WWOX: variants seen among roughly 807,000 people sequenced by gnomAD.
WWOX encodes the protein WW domain-containing oxidoreductase.
Under a neutral mutation model 46.2 loss-of-function variants are expected in WWOX, and 69 were observed. The ratio of observed to expected loss-of-function variants is 1.49; its 90% confidence interval spans 1.23 to 1.82. The LOEUF (loss-of-function observed/expected upper bound fraction) is 1.82. Among genes scored for constraint, WWOX ranks in the 40% most tolerant of loss-of-function variants. The pLI is 0.00. For missense variants in WWOX, 919 were observed against 542.6 expected, an observed-to-expected ratio of 1.69 and a Z score of -6.89; for synonymous variants, 359 against 202.6, an observed-to-expected ratio of 1.77 and a Z score of -6.56.
chr16:78,623,178 C>G lies in WWOX; in HGVS notation c.1056+190426C>G, dbSNP rs558980892. Among the ~76,000 whole-genome samples, 12 of 151,830 alleles carry G rather than the reference C, an allele frequency of 7.9e-5. No individual in the cohort carries two copies. In the South Asian group the frequency reaches 2.3e-3, roughly 29 times the overall value. ...AACCCAGCTCAGCCATGCCCAGACT[C>G]CTATCCTATGGAAGCTTTAAGATAA... On this transcript the variant is annotated intron_variant, in intron 8 of 8. Transcript: ENST00000566780.
At chr16:78,898,368 C>T (rs1383691645) in intron 8 of WWOX, 1 of 152,064 alleles carries the variant, frequency 6.6e-6, no homozygotes, top group East Asian at 1.9e-4. Context: ...TAAGACTCTC[C>T]AATTGTTCTA....
At chr16:78,405,559 A>T (rs1294276530) in intron 6 of WWOX, among the ~76,000 whole-genome samples, 2 of 152,236 alleles carry the variant, frequency 1.3e-5, no homozygotes, top group Admixed American at 6.5e-5. Context: ...TCTACCAGAC[A>T]TATTGAGTAA....
intron 4 of WWOX, among the ~76,000 whole-genome samples, chr16:78,160,084 ATTTC>A (rs1567605393): frequency 2.0e-5 from 3 of 150,144 alleles, no homozygotes; most frequent in Non-Finnish European, 4.4e-5. Flanking sequence ...TTCTCCTTTT[ATTTC>A]CATCGTTCTG....
intron 8 of WWOX, among the ~76,000 whole-genome samples, chr16:79,086,031 C>T (rs1597361258): frequency 6.6e-6 from 1 of 151,616 alleles, no homozygotes; most frequent in East Asian, 2.0e-4. Flanking sequence ...ATGACTGTGG[C>T]ACTGCACTTC....
chr16:78,247,523 T>C (rs1260820691), intron 5 of WWOX, among the ~76,000 whole-genome samples: 1 of 152,096 alleles, frequency 6.6e-6, no homozygotes, highest in African/African-American at 2.4e-5. Context: ...ATGCAGCTGA[T>C]AGGGCCAGTT....
chr16:78,585,808 C>A (rs1401902724), intron 8 of WWOX, among the ~76,000 whole-genome samples: 7 of 151,722 alleles, frequency 4.6e-5, no homozygotes, highest in Admixed American at 3.3e-4. Flanking sequence ...TCATGGTGCT[C>A]CTTGGCCTGA....
At chr16:78,529,578 T>G (rs2151510860) in intron 8 of WWOX, among the ~76,000 whole-genome samples, 1 of 152,138 alleles carries the variant, frequency 6.6e-6, no homozygotes, top group Admixed American at 6.5e-5. Flanking sequence ...GCGATTCTTC[T>G]GCCTCAGCCT....
intron 5 of WWOX, among the ~76,000 whole-genome samples, chr16:78,195,643 G>A (rs1331952411): frequency 6.6e-6 from 1 of 151,852 alleles, no homozygotes; most frequent in Non-Finnish European, 1.5e-5. Flanking sequence ...GCAACATGAC[G>A]AAACCCTGTC....
chr16:79,085,848 C>T (rs868720396), intron 8 of WWOX, among the ~76,000 whole-genome samples: 1 of 152,044 alleles, frequency 6.6e-6, no homozygotes, highest in Non-Finnish European at 1.5e-5. Flanking sequence ...GAGTTCAAGT[C>T]CAGCCTGGGC....
chr16:78,157,378 A>G (rs2034642197), intron 4 of WWOX, among the ~76,000 whole-genome samples: 1 of 152,160 alleles, frequency 6.6e-6, no homozygotes, highest in Non-Finnish European at 1.5e-5. Context: ...CAAATGATCT[A>G]GGTGTCTTTT....
Position 78,284,544 on chromosome 16 carries a change from A to G in WWOX, c.517-102316A>G, listed in dbSNP as rs536570738. ...AAATGTCACTTACTTCTTGTTTTAT[A>G]AAGTATCATTACTCTTTTCTTGGAC... On this transcript the variant is annotated intron_variant, in intron 5 of 8. Transcript: ENST00000566780. Among the ~76,000 whole-genome samples the G allele has an allele frequency of 1.4e-4, 22 of 152,322 alleles. No individual in the cohort carries two copies. The South Asian group carries it at 4.6e-3, about 32-fold the overall frequency.
intron 8 of WWOX, among the ~76,000 whole-genome samples, chr16:79,139,448 C>T (rs900841697): frequency 6.6e-6 from 1 of 152,152 alleles, no homozygotes; most frequent in African/African-American, 2.4e-5. Flanking sequence ...TGCCAGAGAG[C>T]TGCTTTATAT....
intron 8 of WWOX, among the ~76,000 whole-genome samples, chr16:78,677,218 G>A (rs1210878203): frequency 1.3e-5 from 2 of 152,084 alleles, no homozygotes. Flanking sequence ...TCTCAAACCT[G>A]AATTATACCC....
rs541225697 is a variant in WWOX, at chr16:78,374,527, ATTTTTTTTTTTTTTTT to A, written c.517-12309_517-12294del. ...GAGTCCTCAACTTTTTCTGTCTTGA[ATTTTTTTTTTTTTTTT>A]TTTTTTTTTTTTTTTTTTTTTTTAA... On this transcript the variant is annotated intron_variant, in intron 5 of 8. Coordinates refer to ENST00000566780, the MANE Select transcript of WWOX (RefSeq NM_016373.4). Among the ~76,000 whole-genome samples, 109 of 70,902 alleles carry A rather than the reference ATTTTTTTTTTTTTTTT, an allele frequency of 1.5e-3. 2 individuals are homozygous for A. In the East Asian group the frequency reaches 0.025, roughly 17 times the overall value. 46.5% of individuals were successfully genotyped at this position (70,902 alleles called of 152,430 possible). A position where few individuals can be genotyped will look rare whatever the true frequency, so the allele number is the denominator to read the frequency against.
chr16:78,898,360 A>C (rs1398826259), intron 8 of WWOX: 1 of 152,132 alleles, frequency 6.6e-6, no homozygotes, highest in African/African-American at 2.4e-5. Context: ...TCTCTCCATA[A>C]GACTCTCCAA....
At chr16:78,107,576 A>G (rs8049912) in intron 1 of WWOX, among the ~76,000 whole-genome samples, 59,334 of 152,080 alleles carry the variant, frequency 0.39, 12,193 homozygotes, top group African/African-American at 0.53. Context: ...GCACAGCTAG[A>G]TGCCCTATGG....
rs147850624 is a variant in WWOX at position 78,341,515 on chromosome 16, A to G, written c.517-45345A>G. ...TATGTTTTATTTTGCTGGGAGAACA[A>G]TTTGGGAAAATTTGAGCAGCAAACC... On this transcript the variant is annotated intron_variant, in intron 5 of 8. Transcript: ENST00000566780. Among the ~76,000 whole-genome samples the G allele has an allele frequency of 5.2e-3, 628 of 119,860 alleles. 133 individuals are homozygous for G. The highest frequency in any genetic ancestry group is 0.017 in the African/African-American group (608 of 35,388). The allele number at this position is 119,860 out of a possible 152,430, so 78.6% of individuals were successfully genotyped here.
chr16:78,402,762 A>C (rs938563466), intron 6 of WWOX, among the ~76,000 whole-genome samples: 2 of 152,178 alleles, frequency 1.3e-5, no homozygotes, highest in Non-Finnish European at 2.9e-5. Context: ...TATTTTGTTA[A>C]AGCGTTTTGC....
chr16:79,212,332 G>A lies in WWOX; in HGVS notation c.*536G>A. 2.0e-5 allele frequency: 15 copies of A among 732,080 alleles called. No individual in the cohort carries two copies. The highest frequency in any genetic ancestry group is 2.0e-4 in the South Asian group (9 of 45,580). The allele number at this position is 732,080 out of a possible 1,614,324, so 45.3% of individuals were successfully genotyped here. A position where few individuals can be genotyped will look rare whatever the true frequency, so the allele number is the denominator to read the frequency against. On this transcript the variant is annotated 3_prime_UTR_variant, in exon 9 of 9. Transcript: ENST00000566780. ...AGACAAATCTCAGAACCTTGTCCCA[G>A]CCAGTGAGGATGACAGTGACACCCA...
Sources: gnomAD v4.1 joint callset for allele counts (sites outside exome capture counted in the v4.1 genomes callset) on GRCh38, gnomAD v4.1.1 for gene constraint, MANE v1.5 for transcripts, NCBI Gene and HGNC (gene_info 2026-07-23, HGNC 2026-07-21) for gene names.